Variants in PDE4D observed in about 807,000 individuals in gnomAD.
PDE4D encodes the protein 3',5'-cyclic-AMP phosphodiesterase 4D.
Under a neutral mutation model 87.4 loss-of-function variants are expected in PDE4D, and 24 were observed. That is an observed-to-expected ratio of 0.27 (90% CI 0.20 to 0.39). The LOEUF is 0.39. PDE4D is among the 10% of genes least tolerant of loss of function. The probability of loss-of-function intolerance (pLI) is 1.00; values close to 1 mark genes in which losing one functional copy is unlikely to be tolerated. For synonymous variants in PDE4D, 384 were observed against 383.2 expected (o/e 1.00, Z -0.02); for missense variants, 714 against 1,041.0 (o/e 0.69, Z 4.32).
chr5:60,073,154 T>C (rs1030619749), intron 2 of PDE4D, among the ~76,000 whole-genome samples: 3 of 152,182 alleles, frequency 2.0e-5, no homozygotes, highest in Non-Finnish European at 2.9e-5. Context: ...GGATTTGTCA[T>C]AGATAACTCT....
chr5:59,270,903 C>T (rs746087990), intron 1 of PDE4D, among the ~76,000 whole-genome samples: 4 of 152,058 alleles, frequency 2.6e-5, no homozygotes, highest in Non-Finnish European at 5.9e-5. Flanking sequence ...CATTTTCTCA[C>T]CTGTAAAATT....
chr5:59,255,479 C>T (rs1760796288), intron 1 of PDE4D, among the ~76,000 whole-genome samples: 2 of 151,936 alleles, frequency 1.3e-5, no homozygotes, highest in Non-Finnish European at 2.9e-5. Context: ...TAAGGGGTTT[C>T]TTATAGTGGT....
chr5:59,964,878 A>T (rs1581939577), intron 3 of PDE4D, among the ~76,000 whole-genome samples: 2 of 152,238 alleles, frequency 1.3e-5, no homozygotes, highest in Admixed American at 1.3e-4. Flanking sequence ...CGTCAGCCTC[A>T]TCTGGCTCCA....
intron 3 of PDE4D, among the ~76,000 whole-genome samples, chr5:59,963,146 G>A (rs917218189): frequency 2.6e-5 from 4 of 152,114 alleles, no homozygotes; most frequent in Admixed American, 1.3e-4. Flanking sequence ...GAGGCTCAAC[G>A]TTTCCTCTCT....
chr5:60,478,968 T>C (rs948788446), intron 1 of PDE4D, among the ~76,000 whole-genome samples: 1 of 152,182 alleles, frequency 6.6e-6, no homozygotes, highest in African/African-American at 2.4e-5. Context: ...CTGAGTCTCA[T>C]TTGGTCCTCC....
At chr5:60,467,394 T>C (rs1747445084) in intron 1 of PDE4D, among the ~76,000 whole-genome samples, 1 of 152,160 alleles carries the variant, frequency 6.6e-6, no homozygotes, top group African/African-American at 2.4e-5. Context: ...TTCCAACTTC[T>C]AAGAGGCTAC....
intron 1 of PDE4D, among the ~76,000 whole-genome samples, chr5:59,543,433 A>G (rs1816703169): frequency 6.6e-6 from 1 of 152,168 alleles, no homozygotes; most frequent in African/African-American, 2.4e-5. Flanking sequence ...TTCTTTCACC[A>G]ATTAGTGAAA....
chr5:60,103,372 G>A (rs1346028430), intron 2 of PDE4D, among the ~76,000 whole-genome samples: 1 of 151,986 alleles, frequency 6.6e-6, no homozygotes, highest in East Asian at 1.9e-4. Flanking sequence ...AAGAATAGAA[G>A]AATAAAAAGG....
intron 1 of PDE4D, among the ~76,000 whole-genome samples, chr5:59,647,941 A>G (rs1415093351): frequency 1.3e-5 from 2 of 152,158 alleles, no homozygotes; most frequent in African/African-American, 4.8e-5. Context: ...GAATCACTAC[A>G]CTGTAATAGA....
At chr5:60,327,406 CAT>C (rs1428817734) in intron 1 of PDE4D, among the ~76,000 whole-genome samples, 2 of 152,198 alleles carry the variant, frequency 1.3e-5, no homozygotes, top group Admixed American at 1.3e-4. Flanking sequence ...GCAACTTTCA[CAT>C]GTGAGTTTTT....
At chr5:59,637,933 T>C (rs371513361) in intron 1 of PDE4D, among the ~76,000 whole-genome samples, 2 of 152,224 alleles carry the variant, frequency 1.3e-5, no homozygotes, top group East Asian at 1.9e-4. Flanking sequence ...CTTTTGAATA[T>C]GGCAAGTAGC....
intron 2 of PDE4D, among the ~76,000 whole-genome samples, chr5:59,209,666 A>G (rs1749655608): frequency 6.6e-6 from 1 of 152,232 alleles, no homozygotes; most frequent in East Asian, 1.9e-4. Context: ...GTTTTGTTCT[A>G]ACAATTTAGC....
At chr5:60,236,808 C>A (rs1470130496) in intron 1 of PDE4D, among the ~76,000 whole-genome samples, 1 of 151,796 alleles carries the variant, frequency 6.6e-6, no homozygotes, top group Non-Finnish European at 1.5e-5. Context: ...ATGAGTAGAG[C>A]CTAGGAGTTA....
chr5:59,418,945 C>T (rs1027434446), intron 1 of PDE4D, among the ~76,000 whole-genome samples: 1 of 152,218 alleles, frequency 6.6e-6, no homozygotes, highest in Non-Finnish European at 1.5e-5. Flanking sequence ...TCACTCACTG[C>T]ACCTGGCCAC....
intron 5 of PDE4D, among the ~76,000 whole-genome samples, chr5:59,131,604 ACACACACACACACACAC>A (rs1561538946): frequency 2.2e-4 from 17 of 77,892 alleles, no homozygotes; most frequent in East Asian, 4.2e-4. Flanking sequence ...TAAAACACAC[ACACACACACACACACAC>A]ACACACACAC....
intron 1 of PDE4D, among the ~76,000 whole-genome samples, chr5:59,339,536 A>G (rs1561989985): frequency 6.6e-6 from 1 of 152,242 alleles, no homozygotes; most frequent in Admixed American, 6.5e-5. Flanking sequence ...TGCCTTTAAT[A>G]TGCAAATCAA....
At chr5:59,006,367 C>T (rs1012790798) in intron 6 of PDE4D, among the ~76,000 whole-genome samples, 14 of 152,128 alleles carry the variant, frequency 9.2e-5, no homozygotes, top group African/African-American at 3.1e-4. Flanking sequence ...GAGGTCGAGA[C>T]CAGCCTGGGC....
chr5:59,406,770 G>C (rs527932830), intron 1 of PDE4D, among the ~76,000 whole-genome samples: 1 of 152,098 alleles, frequency 6.6e-6, no homozygotes. Context: ...GTTCTTACTT[G>C]ATAATTTTGT....
At chr5:59,255,520 G>T (rs903245757) in intron 1 of PDE4D, among the ~76,000 whole-genome samples, 43 of 152,088 alleles carry the variant, frequency 2.8e-4, no homozygotes, top group African/African-American at 9.6e-4. Context: ...TTTTGGTGAC[G>T]GTTGCAAAAG....
Sources: allele counts gnomAD v4.1 joint callset (sites outside exome capture counted in the v4.1 genomes callset), GRCh38; gene constraint gnomAD v4.1.1; transcripts MANE v1.5; gene names NCBI Gene and HGNC (gene_info 2026-07-23, HGNC 2026-07-21).